Variants in KIF26B observed in about 807,000 individuals in gnomAD.
KIF26B encodes the protein kinesin-like protein KIF26B.
In KIF26B, 63 loss-of-function variants were observed where a neutral mutation model predicts 151.2. That is an observed-to-expected ratio of 0.42 (90% CI 0.34 to 0.51). The LOEUF (loss-of-function observed/expected upper bound fraction) is 0.51. Ranked by LOEUF, KIF26B falls within the 20% of genes least tolerant of loss-of-function variation. KIF26B has a pLI of 0.07. For synonymous variants in KIF26B, 1,357 were observed against 1,262.1 expected (o/e 1.08, Z -1.59); for missense variants, 2,813 against 2,913.6 (o/e 0.97, Z 0.79).
intron 6 of KIF26B, among the ~76,000 whole-genome samples, chr1:245,603,957 C>A (rs998933998): frequency 6.6e-6 from 1 of 152,160 alleles, no homozygotes; most frequent in African/African-American, 2.4e-5. Flanking sequence ...CAATGAACTG[C>A]AGACCTCACC....
At chr1:245,407,940 G>T (rs1331287452) in intron 3 of KIF26B, among the ~76,000 whole-genome samples, 1 of 141,550 alleles carries the variant, frequency 7.1e-6, no homozygotes. Context: ...TCCTGTGGAG[G>T]GGGTGGCGCT....
intron 5 of KIF26B, among the ~76,000 whole-genome samples, chr1:245,580,007 G>A (rs2043159929): frequency 6.6e-6 from 1 of 152,094 alleles, no homozygotes; most frequent in Non-Finnish European, 1.5e-5. Context: ...TGCCCCTGAG[G>A]TACCTGAGGT....
intron 2 of KIF26B, among the ~76,000 whole-genome samples, chr1:245,156,944 C>T (rs1164562172): frequency 1.3e-5 from 2 of 152,198 alleles, no homozygotes; most frequent in East Asian, 3.9e-4. Context: ...TCACGGCCCA[C>T]GGGGGAGGCC....
intron 9 of KIF26B, among the ~76,000 whole-genome samples, chr1:245,628,763 AGAG>A (rs1046494640): frequency 4.6e-5 from 7 of 152,280 alleles, no homozygotes; most frequent in African/African-American, 1.7e-4. Flanking sequence ...CAATCAGACA[AGAG>A]GAAGAAATAA....
At chr1:245,626,111 C>T (rs1196546948) in intron 9 of KIF26B, among the ~76,000 whole-genome samples, 1 of 152,076 alleles carries the variant, frequency 6.6e-6, no homozygotes, top group Non-Finnish European at 1.5e-5. Flanking sequence ...TTCTTGGTCC[C>T]GTTCCATTCA....
chr1:245,288,936 G>GC (rs1671210507), intron 2 of KIF26B, among the ~76,000 whole-genome samples: 1 of 151,656 alleles, frequency 6.6e-6, no homozygotes, highest in South Asian at 2.1e-4. Context: ...ACAACTGTTT[G>GC]TTTTTTTTTA....
chr1:245,522,928 T>C (rs1306403298), intron 4 of KIF26B, among the ~76,000 whole-genome samples: 1 of 152,194 alleles, frequency 6.6e-6, no homozygotes, highest in Non-Finnish European at 1.5e-5. Flanking sequence ...ACTTAGGATA[T>C]AGTTTTCATA....
chr1:245,221,950 A>T (rs1359935365), intron 2 of KIF26B, among the ~76,000 whole-genome samples: 1 of 152,256 alleles, frequency 6.6e-6, no homozygotes, highest in African/African-American at 2.4e-5. Context: ...GGAATCAAAC[A>T]TGTTCAACTG....
chr1:245,395,938 G>C (rs6672656), intron 3 of KIF26B, among the ~76,000 whole-genome samples: 2 of 151,840 alleles, frequency 1.3e-5, no homozygotes, highest in Admixed American at 6.6e-5. Flanking sequence ...TGTAGAACAG[G>C]GGGGGAAATT....
intron 2 of KIF26B, among the ~76,000 whole-genome samples, chr1:245,229,579 G>A (rs1370220714): frequency 1.3e-5 from 2 of 152,140 alleles, no homozygotes; most frequent in African/African-American, 4.8e-5. Flanking sequence ...TGGCCATCCT[G>A]TTGTTCATTA....
rs61753904 is a variant in KIF26B, at chr1:245,686,636, C to T, written c.3653C>T (p.Ser1218Phe). Residue 1218 changes from serine to phenylalanine, a missense_variant, in exon 12 of 15, where the codon TCT becomes TTT. Ser to Phe is a radical substitution (Grantham distance 155). Around this residue, in one of 3 missense-constraint regions of KIF26B, gnomAD observed 2,060 missense variants for 2,088.6 expected, o/e 0.99. Transcript: ENST00000407071. This position sits in a 1 kb window ranked among gnomAD's most constrained non-coding sequence, Gnocchi z 5.6. The stretch of plus-strand genomic sequence containing the variant: ...ATCATCAGCTTCAACAGCGACTGCT[C>T]TGCACGGGCCCTGGCCTCGGGCTCG... ...TSIISFNSDC[S>F]ARALASGSRP... 3,979 of 1,610,744 alleles carry T rather than the reference C, an allele frequency of 2.5e-3. 8 individuals are homozygous for T. The highest frequency in any genetic ancestry group is 2.8e-3 in the Non-Finnish European group (3,357 of 1,178,912).
intron 5 of KIF26B, among the ~76,000 whole-genome samples, chr1:245,592,453 TATA>T (rs1421327156): frequency 2.0e-5 from 3 of 152,184 alleles, no homozygotes; most frequent in South Asian, 4.1e-4. Flanking sequence ...TAATAATTAT[TATA>T]ATAATATCCC....
chr1:245,512,991 T>A lies in KIF26B; in HGVS notation c.1167-27776T>A, dbSNP rs1055336173. Among the ~76,000 whole-genome samples, 1 of 152,238 alleles carries A rather than the reference T, an allele frequency of 6.6e-6. No individual in the cohort carries two copies. Among genetic ancestry groups the A allele is most frequent in the Non-Finnish European group, 1.5e-5 (1 of 68,046 alleles). On this transcript the variant is annotated intron_variant, in intron 4 of 14. Coordinates refer to ENST00000407071, the MANE Select transcript of KIF26B (RefSeq NM_018012.4). The surrounding 1 kb of genome is among the most constrained non-coding windows in gnomAD (Gnocchi z 4.3). ...GTTAAAGCAGATACCAGTTATAGCC[T>A]TCCTGGGTTAGGGGAGACAGACAGT...
At chr1:245,242,978 A>G (rs1670239344) in intron 2 of KIF26B, among the ~76,000 whole-genome samples, 1 of 152,110 alleles carries the variant, frequency 6.6e-6, no homozygotes, top group Non-Finnish European at 1.5e-5. Flanking sequence ...TCTCCTATGG[A>G]TGGACATTTC....
rs35230799 is a variant in KIF26B, at chr1:245,512,012, A to AT, written c.1167-28752dup. ...TAAGCTTTCTTGATTAAAAAGCAGT[A>AT]TTTAGAGGAGGCTTTTAAGATCATA... On this transcript the variant is annotated intron_variant, in intron 4 of 14. Transcript: ENST00000407071. This position sits in a 1 kb window ranked among gnomAD's most constrained non-coding sequence, Gnocchi z 4.3. 0.92 allele frequency among the ~76,000 whole-genome samples: 140,009 copies of AT among 152,200 alleles called. 65,600 individuals are homozygous for AT. The highest frequency in any genetic ancestry group is 1 in the East Asian group (5,184 of 5,184).
intron 2 of KIF26B, among the ~76,000 whole-genome samples, chr1:245,311,002 T>A (rs1479726227): frequency 6.6e-6 from 1 of 152,178 alleles, no homozygotes; most frequent in Non-Finnish European, 1.5e-5. Flanking sequence ...CCTCACTGTC[T>A]TGCCAGTTCC....
intron 2 of KIF26B, among the ~76,000 whole-genome samples, chr1:245,343,090 A>G (rs1184057660): frequency 1.3e-5 from 2 of 151,668 alleles, no homozygotes; most frequent in Non-Finnish European, 2.9e-5. Flanking sequence ...CATCTCAAAA[A>G]AAAAAAAAAA....
Position 245,687,622 on chromosome 1 carries a change from C to T in KIF26B, c.4639C>T (p.Gln1547Ter), listed in dbSNP as rs1422870852. 2 of 1,564,754 alleles carry T rather than the reference C, an allele frequency of 1.3e-6. No homozygotes were observed. The highest frequency in any genetic ancestry group is 1.9e-5 in the Admixed American group (1 of 52,948). Residue 1547 changes from glutamine (Q) to a stop codon, truncating the protein, a stop_gained, in exon 12 of 15, where the codon CAG becomes TAG. Coordinates refer to ENST00000407071, the MANE Select transcript of KIF26B (RefSeq NM_018012.4). LOFTEE classifies it high-confidence loss of function. The surrounding 1 kb of genome is among the most constrained non-coding windows in gnomAD (Gnocchi z 4.9). ...LPRAFQKASRQEEPDSLSYYC... is the reference protein window; with the variant it reads ...LPRAFQKASR ...CAGGGCCTTTCAGAAGGCCAGCCGG[C>T]AGGAGGAGCCGGACAGCCTCTCCTA...
At chr1:245,247,522 G>T (rs1670359908) in intron 2 of KIF26B, among the ~76,000 whole-genome samples, 2 of 152,216 alleles carry the variant, frequency 1.3e-5, no homozygotes, top group Admixed American at 1.3e-4. Context: ...GTTTGAGGCA[G>T]GACGTGCTAA....
Sources: gnomAD v4.1 joint callset for allele counts (sites outside exome capture counted in the v4.1 genomes callset) on GRCh38, gnomAD v4.1.1 for gene constraint, gnomAD v4.1.1 regional missense constraint, Gnocchi (gnomAD v3.1) non-coding constraint, MANE v1.5 for transcripts, NCBI Gene and HGNC (gene_info 2026-07-23, HGNC 2026-07-21) for gene names.